Variants in CTNNA3 observed in about 807,000 individuals in gnomAD.
CTNNA3 encodes catenin alpha-3.
A neutral mutation model predicts 95.7 loss-of-function variants in CTNNA3; 76 were observed. That is an observed-to-expected ratio of 0.79 (90% CI 0.66 to 0.96). The LOEUF is 0.96. Among genes scored for constraint, CTNNA3 ranks in the 40% least tolerant of loss-of-function variants. The probability of loss-of-function intolerance (pLI) is 0.00; values close to 1 mark genes in which losing one functional copy is unlikely to be tolerated. For missense variants in CTNNA3, 1,191 were observed against 1,089.8 expected (o/e 1.09, Z -1.31); for synonymous variants, 431 against 374.4 (o/e 1.15, Z -1.74).
At chr10:66,818,857 A>T (rs1352441751) in intron 7 of CTNNA3, among the ~76,000 whole-genome samples, 1 of 152,136 alleles carries the variant, frequency 6.6e-6, no homozygotes, top group East Asian at 1.9e-4. Context: ...TGGGAGGCCA[A>T]GGTAGGCGGA....
intron 5 of CTNNA3, among the ~76,000 whole-genome samples, chr10:67,259,711 C>T (rs1484493247): frequency 6.6e-6 from 1 of 152,210 alleles, no homozygotes; most frequent in African/African-American, 2.4e-5. Context: ...CCATGACCCT[C>T]TATGTTTTTG....
intron 5 of CTNNA3, among the ~76,000 whole-genome samples, chr10:67,279,230 A>G (rs1441833697): frequency 6.6e-6 from 1 of 152,210 alleles, no homozygotes; most frequent in Non-Finnish European, 1.5e-5. Flanking sequence ...CAATTAACCC[A>G]TCATTAGTCT....
chr10:66,264,096 G>A (rs2091085373), intron 13 of CTNNA3, among the ~76,000 whole-genome samples: 1 of 151,764 alleles, frequency 6.6e-6, no homozygotes, highest in Admixed American at 6.6e-5. Context: ...CCTATCATAG[G>A]TCAAACTTAT....
chr10:67,362,751 G>C (rs1843035122), intron 5 of CTNNA3, among the ~76,000 whole-genome samples: 1 of 150,546 alleles, frequency 6.6e-6, no homozygotes, highest in Non-Finnish European at 1.5e-5. Flanking sequence ...GGAAGTTCTA[G>C]CTAGAACATT....
chr10:67,000,442 C>T (rs1467535306), intron 7 of CTNNA3, among the ~76,000 whole-genome samples: 4 of 152,148 alleles, frequency 2.6e-5, no homozygotes, highest in Non-Finnish European at 5.9e-5. Context: ...ATGTTGACTG[C>T]TACCTAGTTA....
At chr10:66,366,339 G>C (rs2092711186) in intron 12 of CTNNA3, among the ~76,000 whole-genome samples, 1 of 152,126 alleles carries the variant, frequency 6.6e-6, no homozygotes, top group African/African-American at 2.4e-5. Flanking sequence ...AGCTTGGAAA[G>C]TTCTCTGAGA....
rs1335737082 is a variant in CTNNA3 at position 65,917,100 on chromosome 10, A to T, written c.*3230T>A. The T allele has an allele frequency of 6.6e-6, 1 of 152,196 alleles. No homozygotes were observed. Among genetic ancestry groups the T allele is most frequent in the Non-Finnish European group, 1.5e-5 (1 of 68,032 alleles). The allele number at this position is 152,196 out of a possible 1,614,324, so 9.4% of individuals were successfully genotyped here. ...ATGGAGGACCTTATTCCCTGTACAT[A>T]AGAGATTTTTATGGGGAACAAATAT... On this transcript the variant is annotated 3_prime_UTR_variant, in exon 18 of 18. Coordinates refer to ENST00000433211, the MANE Select transcript of CTNNA3 (RefSeq NM_013266.4).
chr10:66,192,394 A>G (rs913294551), intron 13 of CTNNA3, among the ~76,000 whole-genome samples: 1 of 152,222 alleles, frequency 6.6e-6, no homozygotes, highest in African/African-American at 2.4e-5. Flanking sequence ...CAGAATAAGA[A>G]GAGCCTTGAG....
intron 17 of CTNNA3, among the ~76,000 whole-genome samples, chr10:65,948,706 T>C (rs2077563618): frequency 1.3e-5 from 2 of 152,196 alleles, no homozygotes; most frequent in Admixed American, 1.3e-4. Context: ...ATTTCTGTCT[T>C]TTACAGACCC....
intron 13 of CTNNA3, among the ~76,000 whole-genome samples, chr10:66,279,225 T>C (rs767495834): frequency 6.6e-5 from 10 of 152,104 alleles, no homozygotes; most frequent in African/African-American, 1.9e-4. Context: ...AAATGACTTA[T>C]GGACTGCTCA....
chr10:67,755,294 G>A (rs948935376), intron 1 of CTNNA3, among the ~76,000 whole-genome samples: 1 of 151,688 alleles, frequency 6.6e-6, no homozygotes. Context: ...ACTACAATGA[G>A]ATATCATCTC....
chr10:67,407,323 G>C (rs1353337415), intron 5 of CTNNA3, among the ~76,000 whole-genome samples: 2 of 152,086 alleles, frequency 1.3e-5, no homozygotes, highest in African/African-American at 4.8e-5. Flanking sequence ...AAAAACACAT[G>C]ATTATCTCAA....
At chr10:67,230,810 T>C (rs955145940) in intron 5 of CTNNA3, among the ~76,000 whole-genome samples, 1 of 152,152 alleles carries the variant, frequency 6.6e-6, no homozygotes, top group Admixed American at 6.5e-5. Flanking sequence ...CAGGTCAGTG[T>C]GTGCACACAC....
intron 10 of CTNNA3, among the ~76,000 whole-genome samples, chr10:66,578,540 G>T (rs1323875145): frequency 6.6e-6 from 1 of 151,876 alleles, no homozygotes; most frequent in Non-Finnish European, 1.5e-5. Context: ...ATGTTCAACT[G>T]TATCAAAGGC....
intron 13 of CTNNA3, among the ~76,000 whole-genome samples, chr10:66,174,587 C>G (rs940331134): frequency 4.6e-5 from 7 of 151,888 alleles, no homozygotes; most frequent in African/African-American, 1.7e-4. Context: ...TATATGTCAA[C>G]TTTTTTTCAA....
At chr10:66,747,772 T>C (rs933969995) in intron 9 of CTNNA3, among the ~76,000 whole-genome samples, 8 of 152,164 alleles carry the variant, frequency 5.3e-5, no homozygotes, top group African/African-American at 1.7e-4. Context: ...GCTCCAGTTC[T>C]TAGGAAGGAA....
chr10:67,413,430 A>G (rs1342316245), intron 5 of CTNNA3, among the ~76,000 whole-genome samples: 2 of 152,142 alleles, frequency 1.3e-5, no homozygotes, highest in East Asian at 3.8e-4. Flanking sequence ...ACTTTGGAGC[A>G]CTGAGATTTA....
chr10:66,758,042 TTTA>T (rs576512181), intron 9 of CTNNA3, among the ~76,000 whole-genome samples: 106 of 152,284 alleles, frequency 7.0e-4, no homozygotes, highest in Middle Eastern at 3.4e-3. Context: ...TTCTTTTCTT[TTTA>T]TTATTTTTAA....
intron 5 of CTNNA3, among the ~76,000 whole-genome samples, chr10:67,286,992 C>T (rs61033749): frequency 0.02 from 3,004 of 152,176 alleles, 105 homozygotes; most frequent in African/African-American, 0.066. Context: ...CCTCTGAAAT[C>T]CCCCTAGAAG....
Sources: gnomAD v4.1 joint callset for allele counts (sites outside exome capture counted in the v4.1 genomes callset) on GRCh38, gnomAD v4.1.1 for gene constraint, MANE v1.5 for transcripts, NCBI Gene and HGNC (gene_info 2026-07-23, HGNC 2026-07-21) for gene names.